Variants in FRMD4B observed in about 807,000 individuals in gnomAD.
FRMD4B encodes the protein FERM domain containing 4B, also known as FERM domain-containing protein 4B.
Under a neutral mutation model 141.5 loss-of-function variants are expected in FRMD4B, and 74 were observed. That is an observed-to-expected ratio of 0.52 (90% CI 0.43 to 0.63). The LOEUF (loss-of-function observed/expected upper bound fraction) is 0.63. Ranked by LOEUF, FRMD4B falls within the 30% of genes least tolerant of loss-of-function variation. FRMD4B has a pLI of 0.00. For missense variants in FRMD4B, 1,366 were observed against 1,253.4 expected (o/e 1.09, Z -1.36); for synonymous variants, 506 against 467.9 (o/e 1.08, Z -1.05).
chr3:69,203,234 A>G (rs1216429054), intron 11 of FRMD4B, among the ~76,000 whole-genome samples: 1 of 150,916 alleles, frequency 6.6e-6, no homozygotes, highest in Non-Finnish European at 1.5e-5. Context: ...TTATAGACTT[A>G]AAGAACTACA....
intron 1 of FRMD4B, among the ~76,000 whole-genome samples, chr3:69,470,020 A>C (rs1211054851): frequency 6.6e-6 from 1 of 152,198 alleles, no homozygotes; most frequent in Non-Finnish European, 1.5e-5. Flanking sequence ...TTGTTGAAAT[A>C]CACCCCAAGA....
chr3:69,521,311 T>C (rs1221036442), intron 1 of FRMD4B, among the ~76,000 whole-genome samples: 3 of 152,196 alleles, frequency 2.0e-5, no homozygotes, highest in Non-Finnish European at 2.9e-5. Flanking sequence ...GTCTCTTCTA[T>C]TGGTCTTTGT....
In FRMD4B at chr3:69,216,264, T is replaced by C; in HGVS notation, c.875A>G (p.Lys292Arg). The C allele has an allele frequency of 6.7e-7, 1 of 1,497,814 alleles. No homozygotes were observed. Among genetic ancestry groups the C allele is most frequent in the Non-Finnish European group, 9.2e-7 (1 of 1,086,760 alleles). 92.8% of individuals were successfully genotyped at this position (1,497,814 alleles called of 1,614,324 possible). The change falls in exon 11 of 23, where the codon AAG becomes AGG. Residue 292 changes from lysine to arginine, a missense_variant and splice_region_variant. Lys to Arg is a conservative substitution (Grantham distance 26). Transcript: ENST00000398540. ...TCTCCTAAAGTGATCCACACTTACC[T>C]TCCGAGGCTTCACCTTGTCTTGTAT... is the stretch of plus-strand genomic sequence containing the variant. ...YDIQDKVKPR[K>R]LFQWKQLENL...
chr3:69,411,073 C>T (rs1287677801), intron 2 of FRMD4B, among the ~76,000 whole-genome samples: 1 of 152,010 alleles, frequency 6.6e-6, no homozygotes, highest in Non-Finnish European at 1.5e-5. Flanking sequence ...GGGGACACCG[C>T]CATTCAGCCC....
chr3:69,189,910 G>A lies in FRMD4B; in HGVS notation c.1757C>T (p.Thr586Ile). ...PSESSSLSDT[T>I]TYDDPSDAFT... is the part of the protein sequence containing the mutation. ...GAGCCACTTACGATCATCATAGGTG[G>A]TGGTGTCAGACAAAGAGCTACTCTC... is the stretch of plus-strand genomic sequence containing the variant. The change falls in exon 18 of 23, where the codon ACC becomes ATC. Residue 586 changes from threonine to isoleucine, a missense_variant. Physicochemically the swap from Thr to Ile is moderately conservative, Grantham distance 89 (BLOSUM62 -1). Coordinates refer to ENST00000398540, the MANE Select transcript of FRMD4B (RefSeq NM_015123.3). 1.3e-6 allele frequency: 2 copies of A among 1,595,704 alleles called. No homozygotes were observed. Among genetic ancestry groups the A allele is most frequent in the Non-Finnish European group, 1.7e-6 (2 of 1,163,636 alleles).
chr3:69,330,530 A>G (rs1326014108), intron 1 of FRMD4B, among the ~76,000 whole-genome samples: 1 of 151,600 alleles, frequency 6.6e-6, no homozygotes, highest in African/African-American at 2.4e-5. Context: ...TATTTTTAGT[A>G]GAGACAGGGT....
intron 1 of FRMD4B, among the ~76,000 whole-genome samples, chr3:69,372,195 A>G (rs1244959152): frequency 1.3e-5 from 2 of 152,170 alleles, no homozygotes; most frequent in Non-Finnish European, 2.9e-5. Flanking sequence ...GAGTCTTGAC[A>G]TTAATAAAAC....
At chr3:69,287,899 C>A in intron 4 of FRMD4B, 63 bp from the exon 5 acceptor site, 1 of 728,606 alleles carries the variant, frequency 1.4e-6, no homozygotes, top group South Asian at 1.8e-5. Context: ...ATTCCTCATT[C>A]AGTGTTCCCC....
intron 2 of FRMD4B, among the ~76,000 whole-genome samples, chr3:69,408,545 TG>T (rs1704694129): frequency 6.6e-6 from 1 of 152,334 alleles, no homozygotes; most frequent in Non-Finnish European, 1.5e-5. Flanking sequence ...AGGACTGTGA[TG>T]GAGCAGAACG....
At chr3:69,270,387 G>A (rs1414640479) in intron 5 of FRMD4B, among the ~76,000 whole-genome samples, 2 of 152,160 alleles carry the variant, frequency 1.3e-5, no homozygotes, top group African/African-American at 4.8e-5. Context: ...TGCTTCTACT[G>A]TGTGTGAGAA....
intron 1 of FRMD4B, among the ~76,000 whole-genome samples, chr3:69,361,696 C>T (rs915022355): frequency 1.3e-5 from 2 of 152,146 alleles, no homozygotes; most frequent in Non-Finnish European, 2.9e-5. Context: ...ATTTTCTGAT[C>T]GCTGAGTAGT....
At chr3:69,323,611 T>TAC (rs1702087332) in intron 1 of FRMD4B, among the ~76,000 whole-genome samples, 1 of 12,212 alleles carries the variant, frequency 8.2e-5, no homozygotes, top group South Asian at 2.3e-3. Flanking sequence ...TCTCTGTGTA[T>TAC]ATATATATAT....
chr3:69,538,143 T>A (rs566827105), intron 1 of FRMD4B, among the ~76,000 whole-genome samples: 2 of 152,260 alleles, frequency 1.3e-5, no homozygotes, highest in South Asian at 4.1e-4. Context: ...GGTCGTCTTG[T>A]CACCCAAGAA....
At chr3:69,276,428 A>G (rs1229881768) in intron 5 of FRMD4B, among the ~76,000 whole-genome samples, 1 of 151,964 alleles carries the variant, frequency 6.6e-6, no homozygotes, top group Non-Finnish European at 1.5e-5. Flanking sequence ...GTGCACCATC[A>G]TGCCTGGCTA....
intron 19 of FRMD4B, among the ~76,000 whole-genome samples, chr3:69,183,082 C>G (rs1230192260): frequency 6.6e-6 from 1 of 152,180 alleles, no homozygotes; most frequent in Non-Finnish European, 1.5e-5. Flanking sequence ...ATTCAGCAAA[C>G]TCCTTTTTTG....
At chr3:69,193,952 T>A (rs1575597009) in intron 16 of FRMD4B, 79 bp from the exon 17 acceptor site, 2 of 861,830 alleles carry the variant, frequency 2.3e-6, no homozygotes, top group East Asian at 5.0e-5. Context: ...TAAAACTTCC[T>A]GTGCACTTTC....
At chr3:69,283,690 A>T (rs2093654528) in intron 5 of FRMD4B, among the ~76,000 whole-genome samples, 1 of 152,226 alleles carries the variant, frequency 6.6e-6, no homozygotes, top group Non-Finnish European at 1.5e-5. Context: ...ATAGGAGAGG[A>T]TAGCCAACTG....
chr3:69,199,410 C>G (rs879683023), intron 11 of FRMD4B: 4 of 152,198 alleles, frequency 2.6e-5, no homozygotes, highest in Non-Finnish European at 2.9e-5. Flanking sequence ...TAAGCACCAG[C>G]CTTCTCAAAG....
chr3:69,456,952 G>T (rs1441274849), intron 1 of FRMD4B, among the ~76,000 whole-genome samples: 1 of 152,182 alleles, frequency 6.6e-6, no homozygotes, highest in Admixed American at 6.5e-5. Flanking sequence ...TATTCATTAT[G>T]TGGCCCTGTA....
Sources: gnomAD v4.1 joint callset for allele counts (sites outside exome capture counted in the v4.1 genomes callset) on GRCh38, gnomAD v4.1.1 for gene constraint, MANE v1.5 for transcripts, NCBI Gene and HGNC (gene_info 2026-07-23, HGNC 2026-07-21) for gene names.